The following PKIA variants were observed in gnomAD, a reference collection of about 807,000 sequenced individuals.
PKIA encodes PKI-alpha.
Under a neutral mutation model 7.6 loss-of-function variants are expected in PKIA, and 4 were observed. The ratio of observed to expected loss-of-function variants is 0.52; its 90% confidence interval spans 0.26 to 1.20. The LOEUF (loss-of-function observed/expected upper bound fraction) is 1.20, where lower values mean the gene tolerates loss of function less well. Ranked by LOEUF, PKIA falls within the 50% of genes most tolerant of loss-of-function variation. The probability of loss-of-function intolerance (pLI) is 0.13; values close to 1 mark genes in which losing one functional copy is unlikely to be tolerated. For missense variants in PKIA, 73 were observed against 86.2 expected, an observed-to-expected ratio of 0.85 and a Z score of 0.61; for synonymous variants, 21 against 30.7, an observed-to-expected ratio of 0.68 and a Z score of 1.04.
chr8:78,531,580 C>T (rs1331855254), intron 1 of PKIA, among the ~76,000 whole-genome samples: 1 of 151,990 alleles, frequency 6.6e-6, no homozygotes, highest in Non-Finnish European at 1.5e-5. Context: ...TTATTATTAC[C>T]TTTTTGACAG....
At chr8:78,557,657 C>T (rs1190983354) in intron 1 of PKIA, among the ~76,000 whole-genome samples, 1 of 152,078 alleles carries the variant, frequency 6.6e-6, no homozygotes, top group Non-Finnish European at 1.5e-5. Context: ...AGGCTCTTGT[C>T]AAAATGGTAT....
intron 2 of PKIA, among the ~76,000 whole-genome samples, chr8:78,584,091 C>A (rs1056662974): frequency 2.0e-5 from 3 of 152,000 alleles, no homozygotes; most frequent in African/African-American, 7.2e-5. Flanking sequence ...TGCATTTTAA[C>A]ATGTTGATAA....
At chr8:78,565,964 C>T (rs773602020) in intron 1 of PKIA, among the ~76,000 whole-genome samples, 7 of 151,922 alleles carry the variant, frequency 4.6e-5, no homozygotes, top group African/African-American at 1.7e-4. Flanking sequence ...GTTTGCCTTA[C>T]ACCAGTGTTC....
At chr8:78,524,151 T>G (rs1198262824) in intron 1 of PKIA, among the ~76,000 whole-genome samples, 2 of 139,438 alleles carry the variant, frequency 1.4e-5, no homozygotes, top group Admixed American at 1.5e-4. Context: ...CATTTATATT[T>G]ATATATAAAT....
At chr8:78,598,295 G>C (rs1055241665) in intron 2 of PKIA, 63 bp from the exon 3 acceptor site, 7 of 970,286 alleles carry the variant, frequency 7.2e-6, no homozygotes, top group Non-Finnish European at 1.1e-5. Context: ...TACTAAGTCG[G>C]TAGTTAAATG....
intron 1 of PKIA, among the ~76,000 whole-genome samples, chr8:78,566,684 A>G (rs999111835): frequency 1.3e-5 from 2 of 152,128 alleles, no homozygotes; most frequent in African/African-American, 2.4e-5. Flanking sequence ...AAATAACAAT[A>G]CATCATTCTG....
intron 1 of PKIA, among the ~76,000 whole-genome samples, chr8:78,540,828 TTAC>T (rs1322044950): frequency 6.6e-6 from 1 of 152,010 alleles, no homozygotes; most frequent in Non-Finnish European, 1.5e-5. Flanking sequence ...TTTATAATTA[TTAC>T]ATTTGAGAAA....
chr8:78,589,465 G>T (rs1474340454), intron 2 of PKIA, among the ~76,000 whole-genome samples: 1 of 151,964 alleles, frequency 6.6e-6, no homozygotes, highest in Non-Finnish European at 1.5e-5. Context: ...AAGTTTTTAC[G>T]TGTTAAACAT....
intron 2 of PKIA, among the ~76,000 whole-genome samples, chr8:78,595,388 T>C (rs913693735): frequency 6.6e-6 from 1 of 152,138 alleles, no homozygotes; most frequent in Non-Finnish European, 1.5e-5. Context: ...AATTTCCAGA[T>C]TCAGAATTTT....
chr8:78,574,025 A>G (rs986233711), intron 2 of PKIA, among the ~76,000 whole-genome samples: 1 of 152,040 alleles, frequency 6.6e-6, no homozygotes, highest in Non-Finnish European at 1.5e-5. Flanking sequence ...ACATTTAGGC[A>G]TAGTACCTTC....
At chr8:78,601,140 G>T (rs1205100278) in intron 3 of PKIA, among the ~76,000 whole-genome samples, 4 of 152,002 alleles carry the variant, frequency 2.6e-5, no homozygotes, top group Admixed American at 2.0e-4. Context: ...GGTTTTATTG[G>T]AATTGTGCAC....
intron 2 of PKIA, among the ~76,000 whole-genome samples, chr8:78,581,812 A>T (rs1426913931): frequency 6.6e-6 from 1 of 152,112 alleles, no homozygotes; most frequent in Admixed American, 6.6e-5. Context: ...AACTTGAAGA[A>T]GTCTGAGGAT....
Position 78,598,320 on chromosome 8 carries a change from C to T in PKIA, c.-27-38C>T. The T allele has an allele frequency of 4.7e-6, 6 of 1,286,168 alleles. No homozygotes were observed. In the South Asian group the frequency reaches 6.6e-5, roughly 14 times the overall value. The allele number at this position is 1,286,168 out of a possible 1,614,324, so 79.7% of individuals were successfully genotyped here. A position where few individuals can be genotyped will look rare whatever the true frequency, so the allele number is the denominator to read the frequency against. ...GTAGTTAAATGTTTAGCATTGACTA[C>T]CATTATATTCACCTATTAATTTTCC... is the stretch of plus-strand genomic sequence containing the variant. On this transcript the variant is annotated intron_variant, in intron 2 of 3. Coordinates refer to ENST00000396418, the MANE Select transcript of PKIA (RefSeq NM_006823.4).
chr8:78,525,701 C>T (rs11993936), intron 1 of PKIA, among the ~76,000 whole-genome samples: 2,678 of 152,158 alleles, frequency 0.018, 76 homozygotes, highest in African/African-American at 0.062. Flanking sequence ...AGCTCTCAGG[C>T]AGCTTTTAAT....
At chr8:78,533,213 T>A (rs1417568742) in intron 1 of PKIA, among the ~76,000 whole-genome samples, 1 of 152,140 alleles carries the variant, frequency 6.6e-6, no homozygotes, top group Non-Finnish European at 1.5e-5. Flanking sequence ...AATATTAACA[T>A]GCTCTAAATA....
intron 1 of PKIA, among the ~76,000 whole-genome samples, chr8:78,517,614 C>T (rs1282715365): frequency 3.3e-5 from 5 of 152,172 alleles, no homozygotes; most frequent in Admixed American, 3.3e-4. Context: ...TGGAGCTGCC[C>T]AATCTAAGCC....
intron 1 of PKIA, among the ~76,000 whole-genome samples, chr8:78,523,998 A>ATATATATAAATATATATAAACG (rs1809473934): frequency 9.3e-6 from 1 of 107,320 alleles, no homozygotes; most frequent in Non-Finnish European, 1.8e-5. Flanking sequence ...ATATATAAAC[A>ATATATATAAATATATATAAACG]TTTATATATA....
At chr8:78,518,019 T>G (rs1039790385) in intron 1 of PKIA, among the ~76,000 whole-genome samples, 2 of 152,240 alleles carry the variant, frequency 1.3e-5, no homozygotes, top group Non-Finnish European at 2.9e-5. Context: ...ACCTCTTTCT[T>G]TCCTCTTCAA....
At chr8:78,574,162 A>G (rs1807620174) in intron 2 of PKIA, among the ~76,000 whole-genome samples, 2 of 152,032 alleles carry the variant, frequency 1.3e-5, no homozygotes, top group Non-Finnish European at 2.9e-5. Flanking sequence ...GTACATATTT[A>G]TGGGGTATAG....
Sources: allele counts gnomAD v4.1 joint callset (sites outside exome capture counted in the v4.1 genomes callset), GRCh38; gene constraint gnomAD v4.1.1; transcripts MANE v1.5; gene names NCBI Gene and HGNC (gene_info 2026-07-23, HGNC 2026-07-21).